The following TIAM1 variants were observed in gnomAD, a reference collection of about 807,000 sequenced individuals.
TIAM1 encodes the protein TIAM Rac1 associated GEF 1, also known as rho guanine nucleotide exchange factor TIAM1.
TIAM1 carries 65 observed loss-of-function variants against 163.5 expected under a neutral mutation model. The observed-to-expected ratio is 0.40, with a 90% CI of 0.33 to 0.49. The LOEUF (loss-of-function observed/expected upper bound fraction) is 0.49, where lower values mean the gene tolerates loss of function less well. Ranked by LOEUF, TIAM1 falls within the 20% of genes least tolerant of loss-of-function variation. TIAM1 has a pLI of 0.77. For synonymous variants in TIAM1, 833 were observed against 810.1 expected (o/e 1.03, Z -0.48); for missense variants, 1,789 against 2,044.7 (o/e 0.87, Z 2.41).
chr21:31,390,649 A>C (rs2076951615), intron 2 of TIAM1, among the ~76,000 whole-genome samples: 1 of 152,184 alleles, frequency 6.6e-6, no homozygotes. Context: ...TTTTAAGCAA[A>C]ACTTCATTAT....
intron 11 of TIAM1, among the ~76,000 whole-genome samples, chr21:31,205,130 A>T (rs1275179026): frequency 6.6e-6 from 1 of 152,234 alleles, no homozygotes; most frequent in Non-Finnish European, 1.5e-5. Flanking sequence ...ATAAATAAAC[A>T]ACAACAAAAT....
intron 2 of TIAM1, among the ~76,000 whole-genome samples, chr21:31,321,451 C>T (rs2075310691): frequency 6.6e-6 from 1 of 152,146 alleles, no homozygotes; most frequent in Non-Finnish European, 1.5e-5. Flanking sequence ...CTCCTGGGCT[C>T]AAGCGATTCT....
chr21:31,458,944 C>T (rs1211404572), intron 2 of TIAM1, among the ~76,000 whole-genome samples: 1 of 152,128 alleles, frequency 6.6e-6, no homozygotes, highest in Admixed American at 6.6e-5. Flanking sequence ...GTATTCTAGT[C>T]CCAGAAGAAA....
chr21:31,171,288 A>C (rs1019260031), intron 15 of TIAM1, among the ~76,000 whole-genome samples: 1 of 152,206 alleles, frequency 6.6e-6, no homozygotes, highest in African/African-American at 2.4e-5. Context: ...AAAATATAGA[A>C]GACAGCGTTT....
In TIAM1 at chr21:31,200,881, T is replaced by A. The variant is rs543639586; in HGVS notation, c.2493+2027A>T. ...TGGCATTTGCATCCTTACAGATCTATGGGCTGGAGACCTTCTGCAACAGGC... is the reference window on the plus strand; with the variant it reads ...TGGCATTTGCATCCTTACAGATCTAAGGGCTGGAGACCTTCTGCAACAGGC... On this transcript the variant is annotated intron_variant, in intron 12 of 27. Coordinates refer to ENST00000541036, the MANE Select transcript of TIAM1 (RefSeq NM_001353694.2). Among the ~76,000 whole-genome samples, 124 of 152,316 alleles carry A rather than the reference T, an allele frequency of 8.1e-4. 1 individual carries two copies. Among genetic ancestry groups the A allele is most frequent in the African/African-American group, 2.9e-3 (120 of 41,550 alleles).
chr21:31,404,769 G>A (rs1302503535), intron 2 of TIAM1, among the ~76,000 whole-genome samples: 1 of 152,060 alleles, frequency 6.6e-6, no homozygotes, highest in Non-Finnish European at 1.5e-5. Context: ...GGGGAAAGCT[G>A]GGTGGTGGGT....
chr21:31,292,710 C>T (rs2074074339), intron 2 of TIAM1, among the ~76,000 whole-genome samples: 1 of 148,986 alleles, frequency 6.7e-6, no homozygotes, highest in Non-Finnish European at 1.5e-5. Context: ...ACTTTGTTAC[C>T]CAGGCTGGAG....
chr21:31,299,425 C>A (rs1187225969), intron 2 of TIAM1, among the ~76,000 whole-genome samples: 1 of 152,194 alleles, frequency 6.6e-6, no homozygotes, highest in Non-Finnish European at 1.5e-5. Flanking sequence ...ACTGTTATTT[C>A]TTGTTGGGAC....
upstream of TIAM1, among the ~76,000 whole-genome samples, chr21:31,347,837 G>A (rs2076174434): frequency 6.6e-6 from 1 of 152,130 alleles, no homozygotes; most frequent in African/African-American, 2.4e-5. Context: ...CAGAGAAACT[G>A]CAAACCCTGA....
At chr21:31,374,695 C>G (rs1186257342) in intron 2 of TIAM1, among the ~76,000 whole-genome samples, 1 of 152,206 alleles carries the variant, frequency 6.6e-6, no homozygotes, top group African/African-American at 2.4e-5. Context: ...AGGAAAACAT[C>G]AGGTTCCCAG....
chr21:31,491,165 G>GGGAAGGAA (rs1267728627), intron 1 of TIAM1, among the ~76,000 whole-genome samples: 1 of 151,948 alleles, frequency 6.6e-6, no homozygotes, highest in Non-Finnish European at 1.5e-5. Flanking sequence ...AGGGAAGGAA[G>GGGAAGGAA]GGAAGGAAGG....
At chr21:31,131,091 C>T (rs2082397690) in intron 23 of TIAM1, 143 bp from the exon 24 acceptor site, 1 of 626,974 alleles carries the variant, frequency 1.6e-6, no homozygotes, top group Non-Finnish European at 2.8e-6. Flanking sequence ...ACCTTCCATT[C>T]ATTCATCACA....
At chr21:31,518,533 C>T (rs570848932) in intron 1 of TIAM1, among the ~76,000 whole-genome samples, 3 of 152,190 alleles carry the variant, frequency 2.0e-5, no homozygotes, top group East Asian at 1.9e-4. Flanking sequence ...GTGATCCACC[C>T]GCCTCAGCCT....
chr21:31,272,184 T>C lies in TIAM1; in HGVS notation c.-12+4548A>G, dbSNP rs745367284. The stretch of plus-strand genomic sequence containing the variant: ...GCGTATTTTAAGTATTGAATGTTTG[T>C]TGAATATTTATTTATAATAAGTGTT... On this transcript the variant is annotated intron_variant, in intron 3 of 27. Transcript: ENST00000541036. Among the ~76,000 whole-genome samples the C allele has an allele frequency of 8.5e-5, 13 of 152,286 alleles. No homozygotes were observed. The East Asian group carries it at 2.5e-3, about 29-fold the overall frequency.
intron 2 of TIAM1, among the ~76,000 whole-genome samples, chr21:31,363,656 GC>G (rs1265006111): frequency 6.6e-6 from 1 of 151,946 alleles, no homozygotes; most frequent in Non-Finnish European, 1.5e-5. Flanking sequence ...TTTTCCAAAT[GC>G]TGAATGATCA....
At chr21:31,334,205 C>A (rs373886108) in intron 2 of TIAM1, among the ~76,000 whole-genome samples, 25 of 152,164 alleles carry the variant, frequency 1.6e-4, no homozygotes, top group African/African-American at 5.5e-4. Flanking sequence ...AATGTCAACT[C>A]TTGTGCTTTC....
At chr21:31,283,062 A>G (rs1472299998) in intron 2 of TIAM1, among the ~76,000 whole-genome samples, 1 of 152,226 alleles carries the variant, frequency 6.6e-6, no homozygotes, top group Non-Finnish European at 1.5e-5. Flanking sequence ...AGACATTACC[A>G]TATTTCTTAG....
chr21:31,153,413 G>T (rs2083469837), intron 17 of TIAM1, among the ~76,000 whole-genome samples: 1 of 152,134 alleles, frequency 6.6e-6, no homozygotes, highest in Admixed American at 6.5e-5. Flanking sequence ...TAGACAATAT[G>T]TCAAGGAATG....
At chr21:31,269,519 A>C (rs1203515241) in intron 3 of TIAM1, among the ~76,000 whole-genome samples, 1 of 152,218 alleles carries the variant, frequency 6.6e-6, no homozygotes, top group Non-Finnish European at 1.5e-5. Context: ...AGAACGATGA[A>C]AGCCCATGTG....
Sources: allele counts gnomAD v4.1 joint callset (sites outside exome capture counted in the v4.1 genomes callset), GRCh38; gene constraint gnomAD v4.1.1; transcripts MANE v1.5; gene names NCBI Gene and HGNC (gene_info 2026-07-23, HGNC 2026-07-21).